The following PID1 variants were observed in gnomAD, a reference collection of about 807,000 sequenced individuals.
PID1 encodes phosphotyrosine interaction domain containing 1, also known as PTB-containing, cubilin and LRP1-interacting protein.
PID1 carries 10 observed loss-of-function variants against 19.1 expected under a neutral mutation model. That is an observed-to-expected ratio of 0.52 (90% CI 0.32 to 0.89). The LOEUF is 0.89. PID1 is among the 40% of genes least tolerant of loss of function. The pLI, the probability that PID1 is intolerant of heterozygous loss-of-function variation, is 0.03. For missense variants in PID1, 248 were observed against 285.3 expected (o/e 0.87, Z 0.94); for synonymous variants, 130 against 116.0 (o/e 1.12, Z -0.78).
intron 1 of PID1, among the ~76,000 whole-genome samples, chr2:229,241,305 C>A (rs995642848): frequency 6.6e-6 from 1 of 152,118 alleles, no homozygotes; most frequent in African/African-American, 2.4e-5. Flanking sequence ...ATTCTGTTCT[C>A]ATTCTGCAAT....
intron 2 of PID1, among the ~76,000 whole-genome samples, chr2:229,040,692 G>A (rs879718309): frequency 7.2e-5 from 11 of 151,876 alleles, no homozygotes; most frequent in Non-Finnish European, 1.5e-4. Context: ...GTGAAGAGAG[G>A]AAAAAACAAG....
At chr2:229,044,964 T>G (rs1387459726) in intron 2 of PID1, among the ~76,000 whole-genome samples, 5 of 151,414 alleles carry the variant, frequency 3.3e-5, no homozygotes, top group African/African-American at 7.3e-5. Flanking sequence ...TCAGGGTAGT[T>G]TTTTTTTTAG....
chr2:229,102,657 T>A, intron 2 of PID1, among the ~76,000 whole-genome samples: 1 of 152,202 alleles, frequency 6.6e-6, no homozygotes, highest in Middle Eastern at 3.2e-3. Context: ...TGAGGGCTCA[T>A]TCTCATCAAA....
intron 2 of PID1, among the ~76,000 whole-genome samples, chr2:229,154,681 TAAGGAA>T (rs1004845424): frequency 1.3e-4 from 19 of 151,958 alleles, no homozygotes; most frequent in Admixed American, 2.6e-4. Context: ...CACTAAGCAA[TAAGGAA>T]AAGGAGTATA....
At chr2:229,197,341 G>A (rs1272465840) in intron 1 of PID1, among the ~76,000 whole-genome samples, 2 of 151,886 alleles carry the variant, frequency 1.3e-5, no homozygotes, top group Non-Finnish European at 2.9e-5. Context: ...AAATTTGACA[G>A]TATTTTTTGT....
intron 2 of PID1, among the ~76,000 whole-genome samples, chr2:229,026,858 G>A (rs1368572460): frequency 6.6e-6 from 1 of 152,146 alleles, no homozygotes; most frequent in Admixed American, 6.5e-5. Context: ...AATTCCAAAC[G>A]ATTCAAATAC....
At chr2:229,177,896 A>C (rs1374328555) in intron 1 of PID1, among the ~76,000 whole-genome samples, 4 of 152,202 alleles carry the variant, frequency 2.6e-5, no homozygotes, top group Non-Finnish European at 5.9e-5. Context: ...AAACTGAGGA[A>C]CAAAGAGGCT....
rs149902253 is a variant in PID1 at position 229,134,863 on chromosome 2, T to C, written c.177+20955A>G. Among the ~76,000 whole-genome samples, 643 of 152,328 alleles carry C rather than the reference T, an allele frequency of 4.2e-3. 3 individuals are homozygous for C. The highest frequency in any genetic ancestry group is 0.015 in the African/African-American group (623 of 41,570). On this transcript the variant is annotated intron_variant, in intron 2 of 2. Transcript: ENST00000392055. The stretch of plus-strand genomic sequence containing the variant: ...ATGTCAATATATTGAACTTTTCACC[T>C]GATCACAGGTTAATGTATATTACTT...
intron 1 of PID1, among the ~76,000 whole-genome samples, chr2:229,172,702 G>C (rs1316876745): frequency 1.3e-5 from 2 of 152,056 alleles, no homozygotes; most frequent in African/African-American, 4.8e-5. Context: ...TCTGGGGATT[G>C]GGACTTCAAC....
intron 2 of PID1, among the ~76,000 whole-genome samples, chr2:229,033,753 A>G (rs1693603880): frequency 6.6e-6 from 1 of 152,248 alleles, no homozygotes; most frequent in Non-Finnish European, 1.5e-5. Flanking sequence ...CTGACATAAA[A>G]TAACATGATA....
At chr2:229,138,546 G>T (rs1039224348) in intron 2 of PID1, among the ~76,000 whole-genome samples, 3 of 152,086 alleles carry the variant, frequency 2.0e-5, no homozygotes, top group African/African-American at 7.2e-5. Flanking sequence ...GTCTCATGGT[G>T]TATAATGTAT....
At chr2:229,161,415 A>T (rs745974057) in intron 1 of PID1, among the ~76,000 whole-genome samples, 1 of 152,188 alleles carries the variant, frequency 6.6e-6, no homozygotes, top group African/African-American at 2.4e-5. Context: ...ACTCAATTTT[A>T]TGTTTAAACA....
intron 2 of PID1, among the ~76,000 whole-genome samples, chr2:229,086,135 T>G (rs1224180330): frequency 6.6e-6 from 1 of 152,124 alleles, no homozygotes; most frequent in African/African-American, 2.4e-5. Flanking sequence ...TTTGGGTGAT[T>G]TCTTATTTGC....
intron 1 of PID1, among the ~76,000 whole-genome samples, chr2:229,166,776 G>C (rs1353539705): frequency 1.3e-5 from 2 of 152,176 alleles, no homozygotes; most frequent in Non-Finnish European, 2.9e-5. Flanking sequence ...AGGGCATCTT[G>C]TTGAGCTAGA....
chr2:229,053,800 A>G (rs1343431012), intron 2 of PID1, among the ~76,000 whole-genome samples: 1 of 152,232 alleles, frequency 6.6e-6, no homozygotes, highest in Non-Finnish European at 1.5e-5. Flanking sequence ...CATTAAGTAC[A>G]TTCTTTCTAA....
intron 1 of PID1, among the ~76,000 whole-genome samples, chr2:229,160,845 T>A (rs936636014): frequency 6.6e-6 from 1 of 152,166 alleles, no homozygotes; most frequent in African/African-American, 2.4e-5. Flanking sequence ...TAAGAATACA[T>A]CTTCCTATGG....
chr2:229,231,953 C>G (rs1195299335), intron 1 of PID1: 1 of 1,550,376 alleles, frequency 6.5e-7, no homozygotes, highest in Non-Finnish European at 8.7e-7. Flanking sequence ...AGATCATGAT[C>G]AAGGTGCGGG....
At chr2:229,218,504 C>T (rs1256264218) in intron 1 of PID1, among the ~76,000 whole-genome samples, 2 of 152,096 alleles carry the variant, frequency 1.3e-5, no homozygotes. Context: ...CCAGCAACAG[C>T]ACAAGGCAGG....
intron 2 of PID1, among the ~76,000 whole-genome samples, chr2:229,129,689 A>C (rs1421510228): frequency 1.3e-5 from 2 of 152,144 alleles, no homozygotes; most frequent in Non-Finnish European, 2.9e-5. Flanking sequence ...TTCTAGCAAC[A>C]ATCTATTTGT....
Sources: allele counts gnomAD v4.1 joint callset (sites outside exome capture counted in the v4.1 genomes callset), GRCh38; gene constraint gnomAD v4.1.1; transcripts MANE v1.5; gene names NCBI Gene and HGNC (gene_info 2026-07-23, HGNC 2026-07-21).